FBXO30: variants seen among roughly 807,000 people sequenced by gnomAD.
FBXO30 encodes F-box only protein 30.
In FBXO30, 21 loss-of-function variants were observed where a neutral mutation model predicts 58.1. The ratio of observed to expected loss-of-function variants is 0.36; its 90% confidence interval spans 0.26 to 0.52. FBXO30 has a LOEUF of 0.52. FBXO30 is among the 20% of genes least tolerant of loss of function. The pLI is 0.93. For missense variants in FBXO30, 744 were observed against 897.3 expected, an observed-to-expected ratio of 0.83 and a Z score of 2.18; for synonymous variants, 309 against 312.4, an observed-to-expected ratio of 0.99 and a Z score of 0.11.
chr6:145,809,727 A>G (rs760542786), intron 1 of FBXO30: 10 of 152,184 alleles, frequency 6.6e-5, no homozygotes, highest in Non-Finnish European at 1.2e-4. Context: ...AGAGAACAGT[A>G]ATTATGTACC....
chr6:145,801,590 T>G (rs967730106), intron 2 of FBXO30, among the ~76,000 whole-genome samples: 1 of 152,100 alleles, frequency 6.6e-6, no homozygotes, highest in African/African-American at 2.4e-5. Context: ...CAGGAAAGCA[T>G]GGTAATGTCT....
intron 1 of FBXO30, among the ~76,000 whole-genome samples, chr6:145,812,896 T>C (rs768995296): frequency 5.9e-5 from 9 of 152,230 alleles, no homozygotes; most frequent in South Asian, 2.1e-4. Flanking sequence ...TTTGACTCAA[T>C]TGTTTTATGT....
Position 145,813,357 on chromosome 6 carries a change from T to C in FBXO30, c.-17+1246A>G, listed in dbSNP as rs1778387308. On this transcript the variant is annotated intron_variant, in intron 1 of 2. Coordinates refer to ENST00000237281, the MANE Select transcript of FBXO30 (RefSeq NM_032145.5). ...AAAAAGTTACGTCACGGCATTAAAGTGCTAGGTAAAAACAAATTGGCAATT... is the reference window on the plus strand; with the variant it reads ...AAAAAGTTACGTCACGGCATTAAAGCGCTAGGTAAAAACAAATTGGCAATT... 2.0e-5 allele frequency among the ~76,000 whole-genome samples: 3 copies of C among 148,054 alleles called. No individual in the cohort carries two copies. The South Asian group carries it at 6.4e-4, about 31-fold the overall frequency.
intron 1 of FBXO30, among the ~76,000 whole-genome samples, chr6:145,814,381 G>A (rs996700163): frequency 3.2e-4 from 49 of 152,172 alleles, no homozygotes; most frequent in Admixed American, 2.2e-3. Context: ...GAGGACACGA[G>A]CGCGGCGGAC....
At chr6:145,801,822 T>G (rs1381444544) in intron 2 of FBXO30, among the ~76,000 whole-genome samples, 1 of 151,966 alleles carries the variant, frequency 6.6e-6, no homozygotes, top group Non-Finnish European at 1.5e-5. Flanking sequence ...GAATTAGGAG[T>G]TTTCTTTAAG....
At chr6:145,809,172 A>C (rs1169794744) in intron 1 of FBXO30, among the ~76,000 whole-genome samples, 9 of 152,232 alleles carry the variant, frequency 5.9e-5, no homozygotes, top group Non-Finnish European at 1.5e-5. Flanking sequence ...AGACATACTA[A>C]AATAGTCATA....
In FBXO30 at chr6:145,805,954, T is replaced by C; in HGVS notation, c.452A>G (p.Lys151Arg). Residue 151 changes from lysine (K) to arginine (R), a missense_variant, in exon 2 of 3, where the codon AAA becomes AGA. Coordinates refer to ENST00000237281, the MANE Select transcript of FBXO30 (RefSeq NM_032145.5). ...MMSKATDKVSKPREQISVKSS... is the reference protein window; with the variant it reads ...MMSKATDKVSRPREQISVKSS... The stretch of plus-strand genomic sequence containing the variant: ...TTTAACTGAGATTTGTTCTCTAGGT[T>C]TGGATACTTTATCAGTTGCTTTTGA... 6.2e-7 allele frequency: 1 copy of C among 1,614,086 alleles called. No individual in the cohort carries two copies. Among genetic ancestry groups the C allele is most frequent in the South Asian group, 1.1e-5 (1 of 91,086 alleles).
At chr6:145,803,772 A>C (rs2128665670) in intron 2 of FBXO30, among the ~76,000 whole-genome samples, 1 of 152,240 alleles carries the variant, frequency 6.6e-6, no homozygotes, top group South Asian at 2.1e-4. Flanking sequence ...CCCACCCAAA[A>C]TATCAAATCC....
chr6:145,797,537 T>C lies in FBXO30; in HGVS notation c.*2569A>G, dbSNP rs1777888343. ...TGGGTCCCACCCCAGAGTTCCTGAT[T>C]CACTAAGTCTGGAGAGAAGCCTAAT... On this transcript the variant is annotated 3_prime_UTR_variant, in exon 3 of 3. Coordinates refer to ENST00000237281, the MANE Select transcript of FBXO30 (RefSeq NM_032145.5). 1 of 152,058 alleles carries C rather than the reference T, an allele frequency of 6.6e-6. No individual in the cohort carries two copies. The highest frequency in any genetic ancestry group is 2.1e-4 in the South Asian group (1 of 4,830). The allele number at this position is 152,058 out of a possible 1,614,324, so 9.4% of individuals were successfully genotyped here. A position where few individuals can be genotyped will look rare whatever the true frequency, so the allele number is the denominator to read the frequency against.
chr6:145,801,613 T>C (rs907227137), intron 2 of FBXO30, among the ~76,000 whole-genome samples: 9 of 152,062 alleles, frequency 5.9e-5, no homozygotes, highest in African/African-American at 2.2e-4. Context: ...TCAGGGTGGC[T>C]AGATGTGGGA....
At chr6:145,811,520 T>A (rs1235754625) in intron 1 of FBXO30, among the ~76,000 whole-genome samples, 4 of 152,190 alleles carry the variant, frequency 2.6e-5, no homozygotes, top group African/African-American at 9.6e-5. Flanking sequence ...ACCTTATATT[T>A]TTCCACTATT....
chr6:145,801,911 A>C (rs758851657), intron 2 of FBXO30, among the ~76,000 whole-genome samples: 1 of 152,114 alleles, frequency 6.6e-6, no homozygotes, highest in Non-Finnish European at 1.5e-5. Context: ...AGTCTGGTGA[A>C]ACAAACTCAG....
At chr6:145,808,813 G>C (rs1463484062) in intron 1 of FBXO30, among the ~76,000 whole-genome samples, 1 of 152,178 alleles carries the variant, frequency 6.6e-6, no homozygotes, top group African/African-American at 2.4e-5. Context: ...CAGTGCGTAA[G>C]AGATTATTAA....
At chr6:145,800,953 T>C (rs1583190912) in intron 2 of FBXO30, among the ~76,000 whole-genome samples, 1 of 152,122 alleles carries the variant, frequency 6.6e-6, no homozygotes, top group African/African-American at 2.4e-5. Context: ...TTGTAAAACA[T>C]GTTTCTAGGC....
At chr6:145,809,140 A>G (rs1388386605) in intron 1 of FBXO30, among the ~76,000 whole-genome samples, 2 of 152,240 alleles carry the variant, frequency 1.3e-5, no homozygotes, top group Admixed American at 1.3e-4. Flanking sequence ...AATTTTAGAC[A>G]TAAGTATAGA....
chr6:145,801,454 TG>T (rs1251379006), intron 2 of FBXO30, among the ~76,000 whole-genome samples: 1 of 151,910 alleles, frequency 6.6e-6, no homozygotes, highest in Non-Finnish European at 1.5e-5. Flanking sequence ...TTATCGTTAG[TG>T]TATTTTATGT....
rs781490990 is a variant in FBXO30, at chr6:145,805,751, C to A, written c.655G>T (p.Asp219Tyr). The A allele has an allele frequency of 1.2e-6, 2 of 1,614,064 alleles. No individual in the cohort carries two copies. Among genetic ancestry groups the A allele is most frequent in the Non-Finnish European group, 1.7e-6 (2 of 1,179,968 alleles). ...CTTTCTCTCGCATTTTGCTGTTCATCCATGTCATTTGGGACACTTGTATTT... is the reference window on the plus strand; with the variant it reads ...CTTTCTCTCGCATTTTGCTGTTCATACATGTCATTTGGGACACTTGTATTT... ...MLNTSVPNDM[D>Y]EQQNARESLE... The change falls in exon 2 of 3, where the codon GAT (aspartate) becomes TAT (tyrosine). Residue 219 changes from aspartate to tyrosine, a missense_variant. This residue lies in a region of FBXO30 where 275 missense variants were observed against 262.0 expected (regional missense o/e 1.05). Coordinates refer to ENST00000237281, the MANE Select transcript of FBXO30 (RefSeq NM_032145.5).
At chr6:145,801,097 C>A (rs77725371) in intron 2 of FBXO30, among the ~76,000 whole-genome samples, 6,188 of 152,086 alleles carry the variant, frequency 0.041, 422 homozygotes, top group African/African-American at 0.14. Context: ...TGCCCCAAGC[C>A]CCTCATCTTT....
chr6:145,814,490 G>T (rs890268167), intron 1 of FBXO30, 113 bp downstream of exon 1: 2 of 151,760 alleles, frequency 1.3e-5, no homozygotes, highest in Non-Finnish European at 2.9e-5. Context: ...CCCCACGGCC[G>T]CCAGCGCCAG....
Sources: allele counts gnomAD v4.1 joint callset (sites outside exome capture counted in the v4.1 genomes callset), GRCh38; gene constraint gnomAD v4.1.1; regional missense constraint gnomAD v4.1.1; transcripts MANE v1.5; gene names NCBI Gene and HGNC (gene_info 2026-07-23, HGNC 2026-07-21).